The following DLGAP2 variants were observed in gnomAD, a reference collection of about 807,000 sequenced individuals.
The protein encoded by DLGAP2 is disks large-associated protein 2.
Under a neutral mutation model 100.3 loss-of-function variants are expected in DLGAP2, and 26 were observed. That is an observed-to-expected ratio of 0.26 (90% CI 0.19 to 0.36). The LOEUF is 0.36. Ranked by LOEUF, DLGAP2 falls within the 10% of genes least tolerant of loss-of-function variation. The pLI, the probability that DLGAP2 is intolerant of heterozygous loss-of-function variation, is 1.00. For missense variants in DLGAP2, 1,858 were observed against 1,453.2 expected (o/e 1.28, Z -4.53); for synonymous variants, 886 against 630.1 (o/e 1.41, Z -6.08).
intron 3 of DLGAP2, among the ~76,000 whole-genome samples, chr8:1,352,787 A>G (rs963520853): frequency 6.6e-6 from 1 of 152,044 alleles, no homozygotes; most frequent in Non-Finnish European, 1.5e-5. Context: ...CCAGCCTTGG[A>G]TGCCACTCCC....
chr8:1,653,379 C>G (rs9694421), intron 8 of DLGAP2, among the ~76,000 whole-genome samples: 14 of 152,102 alleles, frequency 9.2e-5, no homozygotes, highest in African/African-American at 3.4e-4. Flanking sequence ...CTTCCTGTGG[C>G]GGGGCCAGAA....
intron 2 of DLGAP2, among the ~76,000 whole-genome samples, chr8:1,175,183 C>G (rs139441030): frequency 3.3e-5 from 5 of 152,116 alleles, no homozygotes; most frequent in African/African-American, 1.2e-4. Context: ...TCTGCTATGG[C>G]CATAAAATTA....
At chr8:1,012,147 T>A (rs1169824451) in intron 2 of DLGAP2, among the ~76,000 whole-genome samples, 3 of 152,210 alleles carry the variant, frequency 2.0e-5, no homozygotes, top group African/African-American at 7.2e-5. Context: ...ATCCCCTTGC[T>A]AGGCTGTGTG....
chr8:1,594,841 T>A (rs1480772575), intron 6 of DLGAP2, among the ~76,000 whole-genome samples: 1 of 152,128 alleles, frequency 6.6e-6, no homozygotes, highest in African/African-American at 2.4e-5. Flanking sequence ...CCCTGATCTT[T>A]CTCTGTGCTC....
chr8:1,231,816 A>G (rs1043003410), intron 2 of DLGAP2, among the ~76,000 whole-genome samples: 4 of 152,120 alleles, frequency 2.6e-5, no homozygotes, highest in African/African-American at 9.7e-5. Flanking sequence ...GGAGGAAGGA[A>G]GGGCGGGAGG....
chr8:1,344,128 G>GTGGGTCCATGTATTCGGGGCCCTGTCA (rs1801490253), intron 3 of DLGAP2, among the ~76,000 whole-genome samples: 1 of 108,018 alleles, frequency 9.3e-6, no homozygotes, highest in African/African-American at 3.7e-5. Flanking sequence ...GGGCCCTGTC[G>GTGGGTCCATGTATTCGGGGCCCTGTCA]TGGGTCCGTG....
rs1168172074 is a variant in DLGAP2, at chr8:1,350,215, G to T, written c.106+91332G>T. On this transcript the variant is annotated intron_variant, in intron 3 of 14. Transcript: ENST00000637795. ...GGTCCTGAGTGTGCGTGGAAAGGCC[G>T]TGCGGGTCCTGAGTGTGCGTGGAAA... 1.3e-5 allele frequency among the ~76,000 whole-genome samples: 2 copies of T among 148,546 alleles called. 1 individual carries two copies. Among genetic ancestry groups the T allele is most frequent in the African/African-American group, 5.0e-5 (2 of 40,074 alleles).
intron 3 of DLGAP2, chr8:1,381,078 A>G (rs1307969719): frequency 6.6e-6 from 1 of 152,102 alleles, no homozygotes; most frequent in Non-Finnish European, 1.5e-5. Context: ...TTAAGAGGCC[A>G]ATTAAAAATA....
At chr8:1,673,553 G>A (rs774481159) in intron 10 of DLGAP2, among the ~76,000 whole-genome samples, 8 of 152,164 alleles carry the variant, frequency 5.3e-5, no homozygotes, top group Admixed American at 3.3e-4. Context: ...CATCATATGC[G>A]TGTGCCTTTA....
chr8:1,177,533 G>A (rs752815756), intron 2 of DLGAP2, among the ~76,000 whole-genome samples: 31 of 152,208 alleles, frequency 2.0e-4, no homozygotes, highest in Non-Finnish European at 3.7e-4. Flanking sequence ...TTGCGATTGT[G>A]TTGCTTCATT....
intron 2 of DLGAP2, among the ~76,000 whole-genome samples, chr8:1,094,773 C>T (rs906594027): frequency 1.7e-4 from 26 of 152,306 alleles, no homozygotes; most frequent in African/African-American, 4.6e-4. Flanking sequence ...CTTCTCTTAG[C>T]GTGGGCATGG....
chr8:829,068 T>G (rs1796734408), intron 1 of DLGAP2, among the ~76,000 whole-genome samples: 1 of 152,228 alleles, frequency 6.6e-6, no homozygotes, highest in Non-Finnish European at 1.5e-5. Context: ...ATTAAACCCA[T>G]GAGTCCAATT....
chr8:1,464,298 A>G (rs1313735745), intron 3 of DLGAP2, among the ~76,000 whole-genome samples: 1 of 98,068 alleles, frequency 1.0e-5, no homozygotes, highest in Admixed American at 1.0e-4. Flanking sequence ...CCCTTCCAGG[A>G]TGGCACCCTT....
intron 1 of DLGAP2, among the ~76,000 whole-genome samples, chr8:838,999 G>C: frequency 6.6e-6 from 1 of 152,102 alleles, no homozygotes; most frequent in East Asian, 1.9e-4. Flanking sequence ...CTGTTATTTT[G>C]TTAAATCAGG....
chr8:1,331,356 G>A (rs180692124), intron 3 of DLGAP2, among the ~76,000 whole-genome samples: 37 of 152,288 alleles, frequency 2.4e-4, no homozygotes, highest in Middle Eastern at 3.4e-3. Context: ...CACAGCCCAG[G>A]GTGGGCTAGT....
In DLGAP2 at chr8:737,708, G is replaced by C. The variant is rs2132549685; in HGVS notation, c.-100G>C. ...CGAACGGACGGACGGACCGCGGACG[G>C]ACGTACTGACCCCAACCCGCGAGCC... On this transcript the variant is annotated 5_prime_UTR_variant, in exon 1 of 15. Transcript: ENST00000637795. The C allele has an allele frequency of 5.4e-6, 2 of 372,136 alleles. No individual in the cohort carries two copies. Among genetic ancestry groups the C allele is most frequent in the East Asian group, 3.9e-5 (1 of 25,874 alleles). 23.1% of individuals were successfully genotyped at this position (372,136 alleles called of 1,614,324 possible). A position where few individuals can be genotyped will look rare whatever the true frequency, so the allele number is the denominator to read the frequency against.
At chr8:1,566,062 A>G (rs1313883078) in intron 6 of DLGAP2, among the ~76,000 whole-genome samples, 168 bp downstream of exon 6, 1 of 152,214 alleles carries the variant, frequency 6.6e-6, no homozygotes, top group Non-Finnish European at 1.5e-5. Flanking sequence ...TTTAAAGAAC[A>G]ACCAGAGCTT....
chr8:1,343,390 C>T (rs896623573), intron 3 of DLGAP2, among the ~76,000 whole-genome samples: 1 of 152,148 alleles, frequency 6.6e-6, no homozygotes, highest in Non-Finnish European at 1.5e-5. Context: ...GCCCACGAGC[C>T]TGTGTCCTGG....
At position 1,189,197 on chromosome 8, in the gene DLGAP2, C is replaced by G. The variant is rs1307763105; in HGVS notation, c.74-69654C>G. On this transcript the variant is annotated intron_variant, in intron 2 of 14. Transcript: ENST00000637795. ...GGCCGATTCCGCGGTTGGGGTTGAC[C>G]TTACACAGGATTTGGGCCCCAGGCC... Among the ~76,000 whole-genome samples the G allele has an allele frequency of 4.7e-5, 7 of 149,790 alleles. No homozygotes were observed. In the East Asian group the frequency reaches 5.9e-4, roughly 13 times the overall value.
Sources: gnomAD v4.1 joint callset for allele counts (sites outside exome capture counted in the v4.1 genomes callset) on GRCh38, gnomAD v4.1.1 for gene constraint, MANE v1.5 for transcripts, NCBI Gene and HGNC (gene_info 2026-07-23, HGNC 2026-07-21) for gene names.